The following EHBP1 variants were observed in gnomAD, a reference collection of about 807,000 sequenced individuals.
EHBP1 encodes EH domain binding protein 1, also known as EH domain-binding protein 1.
In EHBP1, 55 loss-of-function variants were observed where a neutral mutation model predicts 144.0. That is an observed-to-expected ratio of 0.38 (90% CI 0.31 to 0.48). The LOEUF is 0.48. EHBP1 is among the 20% of genes least tolerant of loss of function. The pLI is 0.98. For synonymous variants in EHBP1, 469 were observed against 472.7 expected, an observed-to-expected ratio of 0.99 and a Z score of 0.10; for missense variants, 1,200 against 1,364.2, an observed-to-expected ratio of 0.88 and a Z score of 1.90.
In EHBP1 at chr2:62,986,566, G is replaced by A. The variant is rs181600276; in HGVS notation, c.2609-4150G>A. Among the ~76,000 whole-genome samples the A allele has an allele frequency of 2.6e-4, 39 of 149,872 alleles. 1 individual carries two copies. The highest frequency in any genetic ancestry group is 1.2e-3 in the Admixed American group (18 of 14,878). ...TAAGCCATTCTCCTGCCTCAGCCTC[G>A]TAGCTGGGACTACAGGCGCACACCA... On this transcript the variant is annotated intron_variant, in intron 15 of 22. Transcript: ENST00000431489.
chr2:62,971,338 G>A (rs1033569162), intron 14 of EHBP1, among the ~76,000 whole-genome samples: 2 of 152,170 alleles, frequency 1.3e-5, no homozygotes, highest in Non-Finnish European at 2.9e-5. Context: ...TATAATTTAA[G>A]GTTGGGAACG....
At chr2:62,844,311 T>A (rs1031699163) in intron 7 of EHBP1, among the ~76,000 whole-genome samples, 1 of 152,214 alleles carries the variant, frequency 6.6e-6, no homozygotes, top group Non-Finnish European at 1.5e-5. Flanking sequence ...CCCTGCTAAA[T>A]AGATACATAT....
intron 1 of EHBP1, among the ~76,000 whole-genome samples, chr2:62,688,062 G>A (rs551077238): frequency 1.3e-5 from 2 of 152,304 alleles, no homozygotes; most frequent in African/African-American, 4.8e-5. Flanking sequence ...TTTCACAAAA[G>A]CAGCAAAGTG....
intron 7 of EHBP1, among the ~76,000 whole-genome samples, chr2:62,858,222 T>C (rs529277818): frequency 2.0e-4 from 31 of 152,342 alleles, no homozygotes; most frequent in African/African-American, 7.5e-4. Flanking sequence ...TTTTAAAATA[T>C]GAGTACAGCA....
At chr2:62,838,639 TA>T (rs2047513071) in intron 7 of EHBP1, among the ~76,000 whole-genome samples, 1 of 149,942 alleles carries the variant, frequency 6.7e-6, no homozygotes, top group South Asian at 2.1e-4. Flanking sequence ...ATAGACACAA[TA>T]AAAAATGATA....
At chr2:63,021,378 TG>T (rs2060741922) in intron 19 of EHBP1, among the ~76,000 whole-genome samples, 1 of 152,220 alleles carries the variant, frequency 6.6e-6, no homozygotes, top group Non-Finnish European at 1.5e-5. Context: ...ATGAATGTTT[TG>T]TGAACGCCAT....
chr2:62,733,500 G>C (rs966052219), intron 2 of EHBP1, among the ~76,000 whole-genome samples: 6 of 152,122 alleles, frequency 3.9e-5, no homozygotes, highest in Admixed American at 3.9e-4. Context: ...GGCTTTTAGT[G>C]ATTGTGTTTT....
rs777758976 is a variant in EHBP1, at chr2:62,674,082, AGGTATGAACT to A, written c.-296+4_-296+13del. 6.4e-6 allele frequency: 3 copies of A among 471,180 alleles called. No individual in the cohort carries two copies. Among genetic ancestry groups the A allele is most frequent in the South Asian group, 4.6e-5 (3 of 64,570 alleles). 29.2% of individuals were successfully genotyped at this position (471,180 alleles called of 1,614,324 possible). A position where few individuals can be genotyped will look rare whatever the true frequency, so the allele number is the denominator to read the frequency against. On this transcript the variant is annotated splice_donor_variant and splice_donor_5th_base_variant and 5_prime_UTR_variant and intron_variant, in exon 1 of 23. Coordinates refer to the EHBP1 transcript ENST00000405015. LOFTEE classifies it low-confidence loss of function (5UTR_SPLICE). Reference sequence around the variant, plus strand: ...CCAACCACCTAACCAGTGATTTTCAAGGTATGAACTGGTAGGCCACAAGCATCCTCCTAAT... The same window carrying A: ...CCAACCACCTAACCAGTGATTTTCAAGGTAGGCCACAAGCATCCTCCTAAT...
intron 14 of EHBP1, among the ~76,000 whole-genome samples, chr2:62,967,774 CTTTCCTGAATCTCTAAT>C (rs1435659890): frequency 2.0e-5 from 3 of 152,140 alleles, no homozygotes; most frequent in Non-Finnish European, 4.4e-5. Flanking sequence ...AAGAATAGAA[CTTTCCTGAATCTCTAAT>C]CTGGCAAGGT....
chr2:62,968,104 T>G (rs1278200771), intron 14 of EHBP1, among the ~76,000 whole-genome samples: 1 of 152,174 alleles, frequency 6.6e-6, no homozygotes, highest in East Asian at 1.9e-4. Context: ...ACCCCATCAC[T>G]GTTGTCAAAC....
intron 15 of EHBP1, among the ~76,000 whole-genome samples, chr2:62,985,591 G>T (rs1054858159): frequency 6.6e-6 from 1 of 152,092 alleles, no homozygotes; most frequent in Admixed American, 6.6e-5. Flanking sequence ...GCTCTCTATA[G>T]TTTTGCCTTT....
At chr2:62,734,312 T>C (rs2037899095) in intron 2 of EHBP1, among the ~76,000 whole-genome samples, 1 of 151,960 alleles carries the variant, frequency 6.6e-6, no homozygotes, top group Admixed American at 6.5e-5. Flanking sequence ...AGTACTTATA[T>C]GGTTTCCTTT....
At chr2:62,829,970 T>A (rs2046681982) in intron 6 of EHBP1, among the ~76,000 whole-genome samples, 1 of 150,828 alleles carries the variant, frequency 6.6e-6, no homozygotes, top group Admixed American at 6.6e-5. Context: ...TACCGTCTGA[T>A]CCAGGAATCC....
At chr2:63,021,348 A>T (rs1389906341) in intron 19 of EHBP1, among the ~76,000 whole-genome samples, 1 of 152,098 alleles carries the variant, frequency 6.6e-6, no homozygotes, top group South Asian at 2.1e-4. Context: ...CCCTTAGGTT[A>T]TATGTAAAAA....
intron 7 of EHBP1, among the ~76,000 whole-genome samples, chr2:62,847,396 A>G (rs2048367498): frequency 6.6e-6 from 1 of 152,244 alleles, no homozygotes; most frequent in South Asian, 2.1e-4. Flanking sequence ...TCTGAAAAAA[A>G]GCAAAACAAA....
At chr2:62,790,846 G>C (rs767892811) in intron 5 of EHBP1, among the ~76,000 whole-genome samples, 2 of 151,926 alleles carry the variant, frequency 1.3e-5, no homozygotes, top group African/African-American at 4.8e-5. Flanking sequence ...ATTGTCTCTT[G>C]TGTTTTATCT....
intron 10 of EHBP1, among the ~76,000 whole-genome samples, chr2:62,933,287 G>T (rs2056147872): frequency 1.3e-5 from 2 of 151,938 alleles, no homozygotes; most frequent in African/African-American, 4.8e-5. Context: ...ATTGAAAACA[G>T]CTTTCTGCAT....
At chr2:62,916,664 G>A (rs1462500449) in intron 10 of EHBP1, among the ~76,000 whole-genome samples, 1 of 150,264 alleles carries the variant, frequency 6.7e-6, no homozygotes, top group Non-Finnish European at 1.5e-5. Context: ...ATATTTCCAA[G>A]ATTAGAAAAA....
chr2:62,728,735 A>G (rs1311315617), intron 2 of EHBP1, among the ~76,000 whole-genome samples: 1 of 151,910 alleles, frequency 6.6e-6, no homozygotes, highest in African/African-American at 2.4e-5. Flanking sequence ...TAATTTTCAT[A>G]AAATGTAGTG....
Sources: allele counts gnomAD v4.1 joint callset (sites outside exome capture counted in the v4.1 genomes callset), GRCh38; gene constraint gnomAD v4.1.1; transcripts MANE v1.5; gene names NCBI Gene and HGNC (gene_info 2026-07-23, HGNC 2026-07-21).